Variants in KANSL3 observed in about 807,000 individuals in gnomAD.
KANSL3 encodes the protein NSL complex protein NSL3.
Under a neutral mutation model 89.2 loss-of-function variants are expected in KANSL3, and 16 were observed. The ratio of observed to expected loss-of-function variants is 0.18; its 90% CI spans 0.12 to 0.27. KANSL3 has a LOEUF of 0.27. Among genes scored for constraint, KANSL3 ranks in the 10% least tolerant of loss-of-function variants. The probability of loss-of-function intolerance (pLI) is 1.00; values close to 1 mark genes in which losing one functional copy is unlikely to be tolerated. For missense variants in KANSL3, 879 were observed against 1,110.6 expected (o/e 0.79, Z 2.96); for synonymous variants, 385 against 419.7 (o/e 0.92, Z 1.01).
chr2:96,585,737 A>T, the KANSL3 span, among the ~76,000 whole-genome samples: 4 of 150,174 alleles, frequency 2.7e-5, no homozygotes, highest in African/African-American at 4.9e-5. Flanking sequence ...AAGAGTGGAT[A>T]AAAAAAAAAT....
chr2:96,608,454 G>T lies in KANSL3; in HGVS notation c.1741+54C>A, dbSNP rs1047087469. ...TATCAATACTGTGCAACTGCCATGTGACATGAACTACAGAAGACAGACCCA... is the reference window on the plus strand; with the variant it reads ...TATCAATACTGTGCAACTGCCATGTTACATGAACTACAGAAGACAGACCCA... On this transcript the variant is annotated intron_variant, in intron 14 of 20. Coordinates refer to ENST00000431828, the MANE Select transcript of KANSL3 (RefSeq NM_001115016.3). 20 of 1,584,240 alleles carry T rather than the reference G, an allele frequency of 1.3e-5. No homozygotes were observed. The African/African-American group carries it at 2.0e-4, about 16-fold the overall frequency.
chr2:96,621,844 G>A (rs1211560107), intron 3 of KANSL3, among the ~76,000 whole-genome samples: 1 of 152,104 alleles, frequency 6.6e-6, no homozygotes, highest in Non-Finnish European at 1.5e-5. Flanking sequence ...GGCTGGGCGT[G>A]GTGGCTCACG....
intron 3 of KANSL3, among the ~76,000 whole-genome samples, chr2:96,629,385 C>T (rs545128686): frequency 2.2e-4 from 34 of 152,268 alleles, no homozygotes; most frequent in African/African-American, 7.5e-4. Context: ...TGCAATGGCA[C>T]GATCTCGGCT....
chr2:96,608,033 C>T (rs1415713744), intron 14 of KANSL3, among the ~76,000 whole-genome samples: 1 of 152,220 alleles, frequency 6.6e-6, no homozygotes, highest in Non-Finnish European at 1.5e-5. Context: ...AGGAATACTT[C>T]CCAGCTTCAT....
rs1277851433 is a variant in KANSL3, at chr2:96,619,471, C to T, written c.551G>A (p.Ser184Asn). The T allele has an allele frequency of 1.9e-6, 3 of 1,613,948 alleles. No homozygotes were observed. Among genetic ancestry groups the T allele is most frequent in the Non-Finnish European group, 2.5e-6 (3 of 1,179,914 alleles). The change falls in exon 5 of 21, where the codon AGT becomes AAT. Residue 184 changes from serine to asparagine, a missense_variant. Transcript: ENST00000431828. Reference protein sequence around the residue: ...CARRVRQALASVSWDTKLIQW... With the variant: ...CARRVRQALANVSWDTKLIQW... ...GATCAGCTTGGTATCCCAGCTCACA[C>T]TTGCCAGAGCCTGCCGCACTCTCCT... is the stretch of plus-strand genomic sequence containing the variant.
the KANSL3 span, among the ~76,000 whole-genome samples, chr2:96,587,580 T>A: frequency 6.6e-6 from 1 of 152,144 alleles, no homozygotes; most frequent in Non-Finnish European, 1.5e-5. Flanking sequence ...AAGATCGAGT[T>A]TCATAGATAA....
chr2:96,637,495 A>AC (rs2074413418), intron 1 of KANSL3, among the ~76,000 whole-genome samples: 1 of 152,214 alleles, frequency 6.6e-6, no homozygotes, highest in Non-Finnish European at 1.5e-5. Context: ...CTTGGCCAGC[A>AC]CCACTTCCTA....
chr2:96,589,911 G>A (rs2066261301), downstream of KANSL3, among the ~76,000 whole-genome samples: 1 of 152,110 alleles, frequency 6.6e-6, no homozygotes, highest in Non-Finnish European at 1.5e-5. Flanking sequence ...CACTTTGGGA[G>A]GCTGAGGCGG....
intron 5 of KANSL3, among the ~76,000 whole-genome samples, chr2:96,614,187 GTTCAAGCGAT>G (rs1398361926): frequency 6.6e-6 from 1 of 152,150 alleles, no homozygotes; most frequent in Admixed American, 6.5e-5. Context: ...TGCCTCCCGG[GTTCAAGCGAT>G]TTCTTGTTTC....
chr2:96,608,549 A>G lies in KANSL3; in HGVS notation c.1700T>C (p.Val567Ala). 1 of 1,614,032 alleles carries G rather than the reference A, an allele frequency of 6.2e-7. No individual in the cohort carries two copies. Among genetic ancestry groups the G allele is most frequent in the Non-Finnish European group, 8.5e-7 (1 of 1,179,902 alleles). The change falls in exon 14 of 21, where the codon GTG becomes GCG. Residue 567 changes from valine (V) to alanine (A), a missense_variant. Val to Ala is a moderately conservative substitution (Grantham distance 64). Around this residue, in one of 6 missense-constraint regions of KANSL3, gnomAD observed 317 missense variants for 311.2 expected, o/e 1.02. Coordinates refer to ENST00000431828, the MANE Select transcript of KANSL3 (RefSeq NM_001115016.3). Reference protein sequence around the residue: ...IGSSQLLKRHVQRTEAVLTHK... With the variant: ...IGSSQLLKRHAQRTEAVLTHK... Reference sequence around the variant, plus strand: ...GGTCAGCACAGCTTCTGTCCGCTGCACATGTCTCTTCAGCAGCTGAGAACT... The same window carrying G: ...GGTCAGCACAGCTTCTGTCCGCTGCGCATGTCTCTTCAGCAGCTGAGAACT...
Position 96,619,353 on chromosome 2 carries a change from C to T in KANSL3, c.663+6G>A. ...AGGACAGGGCAGACCCCAATCACAG[C>T]CTTACCTTCCCCTTCAGCGTCTGCA... On this transcript the variant is annotated splice_donor_region_variant and intron_variant, in intron 5 of 20. Coordinates refer to ENST00000431828, the MANE Select transcript of KANSL3 (RefSeq NM_001115016.3). 6.2e-7 allele frequency: 1 copy of T among 1,607,234 alleles called. No individual in the cohort carries two copies. The highest frequency in any genetic ancestry group is 8.5e-7 in the Non-Finnish European group (1 of 1,176,326).
Position 96,612,480 on chromosome 2 carries a change from C to G in KANSL3, c.996G>C (p.Val332=). ...TTCTCACCTCCAGCACTTTGCTTCT[C>G]ACTGCCCCAATCATATGCTCGAGAC... ...LQCLEHMIGA[V]RSKVLEIHSH... is the part of the protein sequence containing the mutation. The change falls in exon 8 of 21, where the codon GTG becomes GTC. Residue 332 remains valine, a synonymous_variant. Transcript: ENST00000431828. 1 of 1,613,910 alleles carries G rather than the reference C, an allele frequency of 6.2e-7. No individual in the cohort carries two copies.
chr2:96,606,312 T>C (rs888994632), intron 14 of KANSL3: 1 of 152,650 alleles, frequency 6.6e-6, no homozygotes, highest in African/African-American at 2.4e-5. Context: ...GCTCATCATG[T>C]ATACAGCCAA....
At chr2:96,591,188 G>T (rs1015218238), downstream of KANSL3, among the ~76,000 whole-genome samples, 1 of 152,100 alleles carries the variant, frequency 6.6e-6, no homozygotes, top group Admixed American at 6.5e-5. Context: ...TCATATACAC[G>T]TAACAACTTG....
intron 19 of KANSL3, 35 bp downstream of exon 19, chr2:96,602,081 T>C (rs367738025): frequency 5.6e-5 from 86 of 1,530,440 alleles, no homozygotes; most frequent in Non-Finnish European, 7.5e-5. Context: ...AGATCCCAGA[T>C]CTGGGAGTCC....
At chr2:96,636,163 C>A (rs1222199103) in intron 2 of KANSL3, among the ~76,000 whole-genome samples, 1 of 151,078 alleles carries the variant, frequency 6.6e-6, no homozygotes, top group African/African-American at 2.5e-5. Flanking sequence ...AGATTAAAAA[C>A]AAACAGACAA....
chr2:96,590,387 G>C (rs1462350377), downstream of KANSL3, among the ~76,000 whole-genome samples: 3 of 151,836 alleles, frequency 2.0e-5, no homozygotes, highest in Admixed American at 2.0e-4. Context: ...TGACCTCCCA[G>C]GCTCAAGCAA....
rs376030964 is a variant in KANSL3, at chr2:96,611,903, A to ATATGTGTG, written c.1086+378_1086+379insCACACATA. On this transcript the variant is annotated intron_variant, in intron 9 of 20. Coordinates refer to ENST00000431828, the MANE Select transcript of KANSL3 (RefSeq NM_001115016.3). ...TTTTTTTCCACAGATATATACCCAT[A>ATATGTGTG]TGTGTGTGTGTGTGTGTGTGTGTGT... 3.4e-3 allele frequency among the ~76,000 whole-genome samples: 384 copies of ATATGTGTG among 113,308 alleles called. 1 individual carries two copies. Among genetic ancestry groups the ATATGTGTG allele is most frequent in the South Asian group, 4.6e-3 (13 of 2,830 alleles). The allele number at this position is 113,308 out of a possible 152,430, so 74.3% of individuals were successfully genotyped here. A position where few individuals can be genotyped will look rare whatever the true frequency, so the allele number is the denominator to read the frequency against.
At chr2:96,626,320 C>T (rs573746272) in intron 3 of KANSL3, among the ~76,000 whole-genome samples, 2 of 134,670 alleles carry the variant, frequency 1.5e-5, no homozygotes, top group Non-Finnish European at 3.0e-5. Flanking sequence ...TTTGTCTAAA[C>T]ACTAGAAGAA....
Sources: allele counts gnomAD v4.1 joint callset (sites outside exome capture counted in the v4.1 genomes callset), GRCh38; gene constraint gnomAD v4.1.1; regional missense constraint gnomAD v4.1.1; transcripts MANE v1.5; gene names NCBI Gene and HGNC (gene_info 2026-07-23, HGNC 2026-07-21).